Variants in SLC6A2 observed in about 807,000 individuals in gnomAD.
SLC6A2 encodes the protein solute carrier family 6 member 2, also known as sodium-dependent noradrenaline transporter.
A neutral mutation model predicts 71.7 loss-of-function variants in SLC6A2; 26 were observed. The observed-to-expected ratio is 0.36, with a 90% CI of 0.27 to 0.50. The LOEUF (loss-of-function observed/expected upper bound fraction) is 0.50. Among genes scored for constraint, SLC6A2 ranks in the 20% least tolerant of loss-of-function variants. SLC6A2 has a pLI of 0.96. For missense variants in SLC6A2, 581 were observed against 803.9 expected (o/e 0.72, Z 3.35); for synonymous variants, 363 against 337.9 (o/e 1.07, Z -0.82).
At chr16:55,658,742 C>A (rs1188732525) in intron 2 of SLC6A2, among the ~76,000 whole-genome samples, 1 of 152,192 alleles carries the variant, frequency 6.6e-6, no homozygotes, top group East Asian at 1.9e-4. Flanking sequence ...GCTTCAGGGG[C>A]ATCTGAGGTC....
At chr16:55,667,042 CTG>C (rs1288190145) in intron 2 of SLC6A2, among the ~76,000 whole-genome samples, 17 of 150,730 alleles carry the variant, frequency 1.1e-4, no homozygotes, top group African/African-American at 3.9e-4. Flanking sequence ...GCATCTCACT[CTG>C]TCACCCAGGC....
At chr16:55,665,285 G>A (rs1964719101) in intron 2 of SLC6A2, among the ~76,000 whole-genome samples, 1 of 152,172 alleles carries the variant, frequency 6.6e-6, no homozygotes, top group African/African-American at 2.4e-5. Context: ...CTTTAAATGT[G>A]TCGAAGTGTG....
intron 7 of SLC6A2, 71 bp downstream of exon 7, chr16:55,694,184 G>A: frequency 9.0e-7 from 1 of 1,107,090 alleles, no homozygotes; most frequent in Non-Finnish European, 1.4e-6. Flanking sequence ...GGCAGAGAGG[G>A]CTCTGGTCTG....
chr16:55,658,936 G>A (rs1163424679), intron 2 of SLC6A2, among the ~76,000 whole-genome samples: 4 of 152,160 alleles, frequency 2.6e-5, no homozygotes, highest in South Asian at 4.1e-4. Flanking sequence ...AAGCATGGCT[G>A]TTTGGGCCCA....
intron 4 of SLC6A2, among the ~76,000 whole-genome samples, chr16:55,679,010 T>TG (rs1448865393): frequency 6.6e-6 from 1 of 152,088 alleles, no homozygotes; most frequent in East Asian, 1.9e-4. Context: ...CTGGGCCTGT[T>TG]GGGGGGCATT....
intron 4 of SLC6A2, among the ~76,000 whole-genome samples, chr16:55,672,793 A>G: frequency 6.6e-6 from 1 of 152,236 alleles, no homozygotes. Context: ...TGCAGCTCTG[A>G]GAAATTATTT....
Position 55,656,814 on chromosome 16 carries a change from C to T in SLC6A2, c.120C>T (p.Asn40=), listed in dbSNP as rs753908637. The T allele has an allele frequency of 2.0e-5, 33 of 1,613,316 alleles. No individual in the cohort carries two copies. The highest frequency in any genetic ancestry group is 2.6e-5 in the Non-Finnish European group (31 of 1,179,760). The stretch of plus-strand genomic sequence containing the variant: ...AGCTGCTGGTGGTGAAGGAGCGCAA[C>T]GGCGTCCAGTGCCTGCTGGCGCCCC... ...TAELLVVKER[N]GVQCLLAPRD... The change falls in exon 2 of 15, where the codon AAC becomes AAT. Residue 40 remains asparagine, a synonymous_variant. Transcript: ENST00000568943. The surrounding 1 kb of genome is among the most constrained non-coding windows in gnomAD (Gnocchi z 4.5).
intron 12 of SLC6A2, 35 bp downstream of exon 12, chr16:55,699,689 G>A (rs1355295524): frequency 6.9e-7 from 1 of 1,444,828 alleles, no homozygotes. Flanking sequence ...CTGCATGTGG[G>A]GAGGGGGCTG....
rs1002478401 is a variant in SLC6A2, at chr16:55,656,503, G to A, written c.-51-141G>A. 3.0e-6 allele frequency: 2 copies of A among 677,944 alleles called. No homozygotes were observed. The highest frequency in any genetic ancestry group is 1.8e-5 in the African/African-American group (1 of 55,714). 42.0% of individuals were successfully genotyped at this position (677,944 alleles called of 1,614,324 possible). A position where few individuals can be genotyped will look rare whatever the true frequency, so the allele number is the denominator to read the frequency against. ...ACCTCTGTTTCCAAATTTTTCCAGC[G>A]GACGCGCGCCCTTTTCTGGGAACCC... On this transcript the variant is annotated intron_variant, in intron 1 of 14. Coordinates refer to ENST00000568943, the MANE Select transcript of SLC6A2 (RefSeq NM_001172501.3). This position sits in a 1 kb window ranked among gnomAD's most constrained non-coding sequence, Gnocchi z 4.5.
chr16:55,698,051 AC>A (rs769511151), intron 10 of SLC6A2, 26 bp downstream of exon 10: 2 of 1,613,316 alleles, frequency 1.2e-6, no homozygotes, highest in Non-Finnish European at 1.7e-6. Flanking sequence ...GCTCTGGGTC[AC>A]CTGGGGGCCT....
intron 4 of SLC6A2, among the ~76,000 whole-genome samples, chr16:55,676,162 G>A (rs531817731): frequency 6.6e-6 from 1 of 152,278 alleles, no homozygotes; most frequent in African/African-American, 2.4e-5. Flanking sequence ...CTTGGAGAGG[G>A]TCTGCAGTTG....
intron 4 of SLC6A2, among the ~76,000 whole-genome samples, chr16:55,680,178 G>A (rs1026300254): frequency 2.6e-5 from 4 of 152,212 alleles, no homozygotes; most frequent in East Asian, 1.9e-4. Flanking sequence ...ACTTTGGATG[G>A]ATGGTTCTGC....
chr16:55,683,405 A>G (rs575621801), intron 4 of SLC6A2, among the ~76,000 whole-genome samples: 2 of 152,276 alleles, frequency 1.3e-5, no homozygotes, highest in Non-Finnish European at 2.9e-5. Flanking sequence ...TGAGGTCAGG[A>G]GTTCAAGACC....
At chr16:55,700,578 G>A (rs1025095885) in intron 13 of SLC6A2, among the ~76,000 whole-genome samples, 1 of 152,110 alleles carries the variant, frequency 6.6e-6, no homozygotes, top group African/African-American at 2.4e-5. Context: ...TTACTTGGGG[G>A]TGAGCTCAGC....
chr16:55,684,300 C>CAAAA (rs34610275), intron 4 of SLC6A2, among the ~76,000 whole-genome samples: 14 of 132,880 alleles, frequency 1.1e-4, no homozygotes, highest in African/African-American at 1.2e-4. Context: ...GAGCCTGTCT[C>CAAAA]AAAAAAAAAA....
At chr16:55,660,933 A>G (rs992198660) in intron 2 of SLC6A2, among the ~76,000 whole-genome samples, 2 of 152,192 alleles carry the variant, frequency 1.3e-5, no homozygotes, top group Non-Finnish European at 2.9e-5. Context: ...ATGTTTTCTG[A>G]ATGAATTACT....
In SLC6A2 at chr16:55,656,904, C is replaced by T. The variant is rs746503318; in HGVS notation, c.210C>T (p.Val70=). 1 of 1,614,056 alleles carries T rather than the reference C, an allele frequency of 6.2e-7. No homozygotes were observed. Among genetic ancestry groups the T allele is most frequent in the Admixed American group, 1.7e-5 (1 of 60,030 alleles). ...GKKIDFLLSV[V]GFAVDLANVW... ...AGATCGACTTCCTGCTGTCCGTAGT[C>T]GGCTTCGCAGTGGACCTGGCCAACG... is the stretch of plus-strand genomic sequence containing the variant. The change falls in exon 2 of 15, where the codon GTC becomes GTT. Residue 70 remains valine (V), a synonymous_variant. Transcript: ENST00000568943. The surrounding 1 kb of genome is among the most constrained non-coding windows in gnomAD (Gnocchi z 4.5).
intron 4 of SLC6A2, among the ~76,000 whole-genome samples, chr16:55,673,146 G>C (rs1432627137): frequency 6.6e-6 from 1 of 152,176 alleles, no homozygotes; most frequent in Non-Finnish European, 1.5e-5. Flanking sequence ...CACTTGAAAA[G>C]TACGGTCAGT....
intron 4 of SLC6A2, among the ~76,000 whole-genome samples, chr16:55,684,907 T>A (rs1965398308): frequency 6.6e-6 from 1 of 152,186 alleles, no homozygotes; most frequent in Non-Finnish European, 1.5e-5. Context: ...GCCATGAGCG[T>A]GGAATCTCCC....
Sources: gnomAD v4.1 joint callset for allele counts (sites outside exome capture counted in the v4.1 genomes callset) on GRCh38, gnomAD v4.1.1 for gene constraint, Gnocchi (gnomAD v3.1) non-coding constraint, MANE v1.5 for transcripts, NCBI Gene and HGNC (gene_info 2026-07-23, HGNC 2026-07-21) for gene names.